LOC400499: variants seen among roughly 807,000 people sequenced by gnomAD.
the LOC400499 span, chr16:11,442,616 T>G: frequency 2.0e-5 from 3 of 152,228 alleles, no homozygotes; most frequent in Non-Finnish European, 4.4e-5. Context: ...CAGCTGGGAT[T>G]TGAGGCTTGG....
the LOC400499 span, among the ~76,000 whole-genome samples, chr16:11,479,995 C>G: frequency 4.6e-5 from 7 of 152,090 alleles, no homozygotes; most frequent in Non-Finnish European, 1.0e-4. Flanking sequence ...ACCCAGCTCT[C>G]CGGCTGCTCT....
the LOC400499 span, among the ~76,000 whole-genome samples, chr16:11,416,295 G>C: frequency 2.6e-5 from 4 of 152,124 alleles, no homozygotes; most frequent in Non-Finnish European, 4.4e-5. Flanking sequence ...TCCCCTAGGG[G>C]ACTGGGGAGT....
the LOC400499 span, chr16:11,475,530 C>G: frequency 2.5e-6 from 1 of 396,754 alleles, no homozygotes; most frequent in South Asian, 1.4e-4. Flanking sequence ...ACTTTTAGGG[C>G]AGGAGAGCAA....
chr16:11,430,131 G>C, the LOC400499 span, among the ~76,000 whole-genome samples: 1 of 152,146 alleles, frequency 6.6e-6, no homozygotes, highest in Non-Finnish European at 1.5e-5. Context: ...CAGGCATCGG[G>C]AAGTGTCACT....
At chr16:11,401,126 G>A in the LOC400499 span, 2 of 397,684 alleles carry the variant, frequency 5.0e-6, no homozygotes, top group African/African-American at 4.1e-5. Context: ...CAGGCTTCAG[G>A]AAGCTGTGAT....
the LOC400499 span, among the ~76,000 whole-genome samples, chr16:11,526,448 G>T: frequency 4.6e-5 from 7 of 152,138 alleles, no homozygotes. Context: ...GGCACAGTAG[G>T]TAAACCTACT....
chr16:11,393,509 G>A, the LOC400499 span: 1 of 1,232,348 alleles, frequency 8.1e-7, no homozygotes, highest in East Asian at 3.2e-5. Flanking sequence ...GAGAAGTCGA[G>A]GTGGAGACAC....
the LOC400499 span, among the ~76,000 whole-genome samples, chr16:11,388,252 A>G: frequency 6.6e-6 from 1 of 152,132 alleles, no homozygotes; most frequent in Non-Finnish European, 1.5e-5. Flanking sequence ...TAGGTGAGTA[A>G]CCAGGCAGGT....
the LOC400499 span, among the ~76,000 whole-genome samples, chr16:11,373,669 G>A: frequency 5.4e-3 from 813 of 151,772 alleles, 4 homozygotes; most frequent in African/African-American, 0.019. Flanking sequence ...GCCCAGGCTG[G>A]AGTGCAGTGG....
the LOC400499 span, chr16:11,447,023 A>C: frequency 4.8e-6 from 6 of 1,247,436 alleles, no homozygotes; most frequent in African/African-American, 4.5e-5. Flanking sequence ...CAGAGTTAAG[A>C]CTCTGCCACA....
chr16:11,426,086 ATG>A, the LOC400499 span, among the ~76,000 whole-genome samples: 4 of 152,244 alleles, frequency 2.6e-5, no homozygotes, highest in South Asian at 8.3e-4. Context: ...GAAAAACCAT[ATG>A]AATATGTACT....
chr16:11,479,015 C>G, the LOC400499 span, among the ~76,000 whole-genome samples: 49 of 152,320 alleles, frequency 3.2e-4, no homozygotes, highest in African/African-American at 1.2e-3. Context: ...TCAGTTGGAA[C>G]TGTAAATCTA....
At chr16:11,463,436 G>A in the LOC400499 span, among the ~76,000 whole-genome samples, 2,751 of 142,292 alleles carry the variant, frequency 0.019, 114 homozygotes, top group African/African-American at 0.065. Context: ...GTACATGGAT[G>A]TGTGTGTATA....
chr16:11,479,475 A>G, the LOC400499 span, among the ~76,000 whole-genome samples: 25 of 149,430 alleles, frequency 1.7e-4, no homozygotes, highest in African/African-American at 6.3e-4. Context: ...AAAAAAAAAA[A>G]AGCCGGGTAT....
chr16:11,507,807 C>A, the LOC400499 span, among the ~76,000 whole-genome samples: 2 of 151,842 alleles, frequency 1.3e-5, no homozygotes, highest in African/African-American at 4.8e-5. Flanking sequence ...GGTGGCATGC[C>A]CCTGCAGTCC....
the LOC400499 span, among the ~76,000 whole-genome samples, chr16:11,383,061 G>A: frequency 1.6e-4 from 24 of 147,794 alleles, no homozygotes; most frequent in African/African-American, 5.9e-4. Flanking sequence ...AAGAGAGGAG[G>A]TGCCAGGGTC....
chr16:11,516,467 T>C, the LOC400499 span, among the ~76,000 whole-genome samples: 1 of 152,172 alleles, frequency 6.6e-6, no homozygotes, highest in African/African-American at 2.4e-5. Context: ...TTGTTCCCTC[T>C]GCAGCTGGGC....
chr16:11,385,647 G>C, the LOC400499 span, among the ~76,000 whole-genome samples: 1 of 152,224 alleles, frequency 6.6e-6, no homozygotes, highest in Non-Finnish European at 1.5e-5. Context: ...AAGGAAAGGA[G>C]TCCTGAGACC....
At chr16:11,494,834 C>T in the LOC400499 span, 49 of 392,588 alleles carry the variant, frequency 1.2e-4, 1 homozygote, top group African/African-American at 8.1e-4. Flanking sequence ...GGCCACACAC[C>T]GACTCACCTG....
Sources: gnomAD v4.1 joint callset for allele counts (sites outside exome capture counted in the v4.1 genomes callset) on GRCh38, gnomAD v4.1.1 for gene constraint, MANE v1.5 for transcripts.